Variants in NKAIN3 observed in about 807,000 individuals in gnomAD.
NKAIN3 encodes sodium/potassium transporting ATPase interacting 3, also known as sodium/potassium-transporting ATPase subunit beta-1-interacting protein 3.
In NKAIN3, 25 loss-of-function variants were observed where a neutral mutation model predicts 30.2. The observed-to-expected ratio is 0.83, with a 90% CI of 0.60 to 1.16. The LOEUF is 1.16. NKAIN3 is among the 50% of genes most tolerant of loss of function. The probability of loss-of-function intolerance (pLI) is 0.00; values close to 1 mark genes in which losing one functional copy is unlikely to be tolerated. For missense variants in NKAIN3, 225 were observed against 254.1 expected (o/e 0.89, Z 0.78); for synonymous variants, 91 against 89.6 (o/e 1.02, Z -0.09).
intron 1 of NKAIN3, among the ~76,000 whole-genome samples, chr8:62,550,740 A>G (rs1034517399): frequency 6.6e-6 from 1 of 152,236 alleles, no homozygotes; most frequent in Admixed American, 6.5e-5. Flanking sequence ...AAGGAATTTT[A>G]TAGATTCTTG....
intron 1 of NKAIN3, among the ~76,000 whole-genome samples, chr8:62,530,056 G>C (rs1385492023): frequency 6.6e-6 from 1 of 152,034 alleles, no homozygotes; most frequent in African/African-American, 2.4e-5. Flanking sequence ...AAAAGTTTGA[G>C]ACACCTTACA....
At chr8:62,929,527 A>G (rs140471057) in intron 5 of NKAIN3, among the ~76,000 whole-genome samples, 3 of 152,240 alleles carry the variant, frequency 2.0e-5, no homozygotes, top group East Asian at 1.9e-4. Context: ...AAGGTGTCAT[A>G]CTGACTGTGT....
chr8:62,334,388 A>G (rs1301146955), intron 1 of NKAIN3, among the ~76,000 whole-genome samples: 2 of 151,974 alleles, frequency 1.3e-5, no homozygotes, highest in South Asian at 2.1e-4. Context: ...CTCTACCTCT[A>G]TCTTTACATG....
intron 4 of NKAIN3, among the ~76,000 whole-genome samples, chr8:62,877,003 G>GGA (rs1299759134): frequency 4.9e-4 from 74 of 151,308 alleles, no homozygotes; most frequent in African/African-American, 1.6e-3. Context: ...AAAAAGAAAA[G>GGA]GAGAGAGAGA....
Position 62,959,706 on chromosome 8 carries a change from T to C in NKAIN3, c.604-5648T>C, listed in dbSNP as rs1823517052. ...GTTTCTCTTCTGTGGCATGTGACTA[T>C]AAGGTGACTGTGATCCGCTCCTATC... On this transcript the variant is annotated intron_variant, in intron 6 of 6. Coordinates refer to ENST00000623646, the MANE Select transcript of NKAIN3 (RefSeq NM_001304533.3). Among the ~76,000 whole-genome samples, 5 of 152,324 alleles carry C rather than the reference T, an allele frequency of 3.3e-5. No individual in the cohort carries two copies. The South Asian group carries it at 1.0e-3, about 32-fold the overall frequency.
At chr8:62,345,547 A>G (rs1456752309) in intron 1 of NKAIN3, among the ~76,000 whole-genome samples, 2 of 145,550 alleles carry the variant, frequency 1.4e-5, no homozygotes, top group African/African-American at 2.5e-5. Flanking sequence ...ATATATACAC[A>G]TATATGTATA....
At chr8:62,288,021 A>G (rs1027398747) in intron 1 of NKAIN3, among the ~76,000 whole-genome samples, 2 of 152,150 alleles carry the variant, frequency 1.3e-5, no homozygotes, top group East Asian at 1.9e-4. Flanking sequence ...ACAATAGCCT[A>G]TGAAGGCTTT....
At chr8:62,617,825 GT>G (rs1563485812) in intron 3 of NKAIN3, among the ~76,000 whole-genome samples, 2 of 152,150 alleles carry the variant, frequency 1.3e-5, no homozygotes, top group African/African-American at 4.8e-5. Flanking sequence ...ATACCTTCTT[GT>G]CCTCCCCCAG....
At chr8:62,922,534 A>T (rs1294931524) in intron 5 of NKAIN3, among the ~76,000 whole-genome samples, 1 of 152,206 alleles carries the variant, frequency 6.6e-6, no homozygotes, top group Non-Finnish European at 1.5e-5. Context: ...GGCCTGGAAG[A>T]TCTTCAGAGT....
At chr8:62,395,109 CG>C (rs1008813941) in intron 1 of NKAIN3, among the ~76,000 whole-genome samples, 13 of 148,576 alleles carry the variant, frequency 8.7e-5, no homozygotes, top group African/African-American at 3.0e-4. Flanking sequence ...GATGGGGCGA[CG>C]GGACAGAGGT....
At chr8:62,624,988 A>G (rs765484971) in intron 3 of NKAIN3, among the ~76,000 whole-genome samples, 3 of 151,916 alleles carry the variant, frequency 2.0e-5, no homozygotes, top group Admixed American at 1.3e-4. Flanking sequence ...TACATCGTCT[A>G]TCTTTTCTTG....
rs369815198 is a variant in NKAIN3 at position 62,749,755 on chromosome 8, T to G, written c.471+2626T>G. On this transcript the variant is annotated intron_variant, in intron 4 of 6. Transcript: ENST00000623646. ...TGGAGCGTAATGGCGTGATCTCGGT[T>G]CACTGCAACCTCCGCTTCCCAGGTT... is the stretch of plus-strand genomic sequence containing the variant. Among the ~76,000 whole-genome samples the G allele has an allele frequency of 2.7e-3, 410 of 149,416 alleles. 3 individuals carry two copies. The highest frequency in any genetic ancestry group is 9.2e-3 in the African/African-American group (376 of 40,868).
intron 4 of NKAIN3, among the ~76,000 whole-genome samples, chr8:62,857,965 C>T (rs1820111269): frequency 6.6e-6 from 1 of 152,284 alleles, no homozygotes; most frequent in East Asian, 1.9e-4. Flanking sequence ...TCTTTCTCAT[C>T]TTTGTGGGCT....
intron 5 of NKAIN3, among the ~76,000 whole-genome samples, chr8:62,991,843 G>A (rs886495152): frequency 2.6e-5 from 4 of 152,240 alleles, no homozygotes; most frequent in African/African-American, 7.2e-5. Flanking sequence ...GGGACAAAGT[G>A]TCCTGGTGAA....
At chr8:62,506,232 G>GGGC (rs1807632973) in intron 1 of NKAIN3, among the ~76,000 whole-genome samples, 1 of 147,690 alleles carries the variant, frequency 6.8e-6, no homozygotes, top group Non-Finnish European at 1.5e-5. Flanking sequence ...GAATATTGGG[G>GGGC]GGGGGGACAT....
At chr8:62,769,325 A>C (rs937855030) in intron 4 of NKAIN3, among the ~76,000 whole-genome samples, 1 of 152,226 alleles carries the variant, frequency 6.6e-6, no homozygotes, top group African/African-American at 2.4e-5. Context: ...AGGAAGTAAT[A>C]AATTGTATGC....
intron 1 of NKAIN3, among the ~76,000 whole-genome samples, chr8:62,325,800 T>G (rs1292152602): frequency 6.6e-6 from 1 of 152,134 alleles, no homozygotes; most frequent in Non-Finnish European, 1.5e-5. Flanking sequence ...TTTTTCGTGT[T>G]TGTTGGCTGT....
chr8:62,814,249 T>A (rs9650208), intron 4 of NKAIN3, among the ~76,000 whole-genome samples: 1 of 151,716 alleles, frequency 6.6e-6, no homozygotes, highest in Non-Finnish European at 1.5e-5. Flanking sequence ...TTTCCCCACC[T>A]TCTTCTTCTG....
At chr8:62,960,961 T>C (rs1188447784) in intron 6 of NKAIN3, among the ~76,000 whole-genome samples, 1 of 152,066 alleles carries the variant, frequency 6.6e-6, no homozygotes, top group Non-Finnish European at 1.5e-5. Context: ...TGCAGACCCA[T>C]TGATCAATCA....
Sources: gnomAD v4.1 joint callset for allele counts (sites outside exome capture counted in the v4.1 genomes callset) on GRCh38, gnomAD v4.1.1 for gene constraint, MANE v1.5 for transcripts, NCBI Gene and HGNC (gene_info 2026-07-23, HGNC 2026-07-21) for gene names.